Variants in ARHGAP26 observed in about 807,000 individuals in gnomAD.
The protein encoded by ARHGAP26 is rho GTPase-activating protein 26.
In ARHGAP26, 38 loss-of-function variants were observed where a neutral mutation model predicts 104.8. That is an observed-to-expected ratio of 0.36 (90% confidence interval 0.28 to 0.48). The LOEUF (loss-of-function observed/expected upper bound fraction) is 0.48, where lower values mean the gene tolerates loss of function less well. ARHGAP26 is among the 20% of genes least tolerant of loss of function. ARHGAP26 has a pLI of 0.99. For missense variants in ARHGAP26, 704 were observed against 947.9 expected (o/e 0.74, Z 3.38); for synonymous variants, 341 against 340.0 (o/e 1.00, Z -0.03).
chr5:143,085,408 G>GA (rs1486732041), intron 17 of ARHGAP26, among the ~76,000 whole-genome samples: 1 of 152,010 alleles, frequency 6.6e-6, no homozygotes, highest in Non-Finnish European at 1.5e-5. Flanking sequence ...AATTAGTTGA[G>GA]AAAAAAGAGG....
intron 13 of ARHGAP26, among the ~76,000 whole-genome samples, chr5:143,039,162 G>C (rs896431099): frequency 6.6e-6 from 1 of 151,904 alleles, no homozygotes; most frequent in African/African-American, 2.4e-5. Flanking sequence ...CTTAACTGTA[G>C]TTTCTAAGTT....
intron 11 of ARHGAP26, among the ~76,000 whole-genome samples, chr5:142,972,048 GAC>G (rs1219779592): frequency 2.6e-5 from 4 of 152,104 alleles, no homozygotes; most frequent in Non-Finnish European, 5.9e-5. Flanking sequence ...TGGGTGTGGT[GAC>G]ACACGCCTGT....
intron 17 of ARHGAP26, among the ~76,000 whole-genome samples, chr5:143,074,944 C>CT (rs1407003320): frequency 1.3e-5 from 2 of 152,234 alleles, no homozygotes; most frequent in Non-Finnish European, 1.5e-5. Flanking sequence ...CACAGGTGAA[C>CT]TACACTCCAG....
intron 11 of ARHGAP26, among the ~76,000 whole-genome samples, chr5:142,968,808 T>C (rs1174068405): frequency 6.6e-6 from 1 of 152,256 alleles, no homozygotes; most frequent in Non-Finnish European, 1.5e-5. Flanking sequence ...GATTTGCCGT[T>C]GTGTATCCCT....
At chr5:142,801,040 T>G (rs183187681) in intron 1 of ARHGAP26, among the ~76,000 whole-genome samples, 1 of 152,342 alleles carries the variant, frequency 6.6e-6, no homozygotes. Flanking sequence ...AGTCATCAGC[T>G]TACTGCAGGT....
intron 11 of ARHGAP26, among the ~76,000 whole-genome samples, chr5:142,993,331 G>A (rs1418572036): frequency 5.9e-5 from 9 of 151,874 alleles, no homozygotes; most frequent in South Asian, 2.1e-4. Context: ...CACCGCGCCC[G>A]GCTAATTTTT....
intron 17 of ARHGAP26, among the ~76,000 whole-genome samples, chr5:143,071,842 T>C (rs1788304218): frequency 6.6e-6 from 1 of 151,572 alleles, no homozygotes; most frequent in Non-Finnish European, 1.5e-5. Flanking sequence ...GAGGGGGAGG[T>C]TGCAGTGAGC....
At chr5:143,093,770 C>T (rs1039958859) in intron 17 of ARHGAP26, among the ~76,000 whole-genome samples, 4 of 152,036 alleles carry the variant, frequency 2.6e-5, no homozygotes, top group Admixed American at 2.0e-4. Flanking sequence ...GAGGGACCAG[C>T]GGGAGTGGAG....
intron 15 of ARHGAP26, 149 bp from the exon 16 acceptor site, chr5:143,055,879 T>C (rs1395983518): frequency 7.3e-6 from 4 of 549,002 alleles, no homozygotes; most frequent in Non-Finnish European, 1.3e-5. Context: ...CTCAGAACGC[T>C]TGCAATAGGG....
intron 14 of ARHGAP26, among the ~76,000 whole-genome samples, chr5:143,048,841 G>A (rs539912744): frequency 6.6e-6 from 1 of 150,804 alleles, no homozygotes; most frequent in African/African-American, 2.4e-5. Flanking sequence ...TTGAACGTGG[G>A]AGGTGGAGGT....
intron 11 of ARHGAP26, among the ~76,000 whole-genome samples, chr5:143,012,576 T>TATACATATATATATATATATA (rs1554195628): frequency 1.8e-5 from 1 of 57,040 alleles, no homozygotes; most frequent in African/African-American, 4.6e-5. Flanking sequence ...TATATATATA[T>TATACATATATATATATATATA]TATGATCAGG....
At chr5:142,961,306 C>T (rs545033545) in intron 11 of ARHGAP26, among the ~76,000 whole-genome samples, 26 of 151,930 alleles carry the variant, frequency 1.7e-4, no homozygotes, top group Non-Finnish European at 2.8e-4. Context: ...GCCTGGGCAA[C>T]GTGGTGAAAC....
intron 20 of ARHGAP26, among the ~76,000 whole-genome samples, chr5:143,159,565 G>A (rs916070286): frequency 1.3e-4 from 20 of 152,108 alleles, no homozygotes; most frequent in Admixed American, 5.9e-4. Context: ...GCACCACATG[G>A]GGAGCCTAAA....
intron 10 of ARHGAP26, 127 bp from the exon 11 acceptor site, chr5:142,931,920 T>C (rs1283431882): frequency 4.7e-6 from 4 of 843,292 alleles, no homozygotes; most frequent in Non-Finnish European, 5.9e-6. Flanking sequence ...GCCGAGTGTT[T>C]TGCCCCTCTT....
At chr5:143,115,226 C>T (rs1283060749) in intron 17 of ARHGAP26, among the ~76,000 whole-genome samples, 2 of 151,622 alleles carry the variant, frequency 1.3e-5, no homozygotes, top group Non-Finnish European at 2.9e-5. Context: ...CCAGCTACTC[C>T]GGAGGCTGAG....
chr5:143,126,456 T>C (rs1309337119), intron 18 of ARHGAP26, among the ~76,000 whole-genome samples: 1 of 152,196 alleles, frequency 6.6e-6, no homozygotes, highest in African/African-American at 2.4e-5. Context: ...ATGTCAGCAC[T>C]TTAGAAAGAC....
intron 12 of ARHGAP26, among the ~76,000 whole-genome samples, chr5:143,026,170 TTTTGG>T (rs1169200356): frequency 7.2e-5 from 11 of 152,352 alleles, no homozygotes; most frequent in African/African-American, 2.6e-4. Context: ...ATGTGGAGAC[TTTTGG>T]CCTGTCGGCT....
At chr5:143,128,884 AG>A (rs1190549982) in intron 18 of ARHGAP26, among the ~76,000 whole-genome samples, 1 of 152,222 alleles carries the variant, frequency 6.6e-6, no homozygotes, top group East Asian at 1.9e-4. Flanking sequence ...GTTGTAGACT[AG>A]GAGCTCTTCG....
chr5:143,224,742 A>G lies in ARHGAP26; in HGVS notation c.*2296A>G, dbSNP rs751040410. The G allele has an allele frequency of 8.8e-6, 2 of 228,284 alleles. No individual in the cohort carries two copies. The highest frequency in any genetic ancestry group is 1.7e-5 in the Non-Finnish European group (2 of 115,068). The allele number at this position is 228,284 out of a possible 1,614,324, so 14.1% of individuals were successfully genotyped here. A position where few individuals can be genotyped will look rare whatever the true frequency, so the allele number is the denominator to read the frequency against. On this transcript the variant is annotated 3_prime_UTR_variant, in exon 23 of 23. Transcript: ENST00000645722. ...GTGCTGCTGCTTTCCCTTCTCCTAAACATTTTAAAACTCTTCCCTTTCACC... is the reference window on the plus strand; with the variant it reads ...GTGCTGCTGCTTTCCCTTCTCCTAAGCATTTTAAAACTCTTCCCTTTCACC...
Sources: gnomAD v4.1 joint callset for allele counts (sites outside exome capture counted in the v4.1 genomes callset) on GRCh38, gnomAD v4.1.1 for gene constraint, MANE v1.5 for transcripts, NCBI Gene and HGNC (gene_info 2026-07-23, HGNC 2026-07-21) for gene names.